Variants in RBFOX1 observed in about 807,000 individuals in gnomAD.
The protein encoded by RBFOX1 is RNA binding fox-1 homolog 1.
RBFOX1 carries 8 observed loss-of-function variants against 57.7 expected under a neutral mutation model. The observed-to-expected ratio is 0.14, with a 90% CI of 0.08 to 0.25. RBFOX1 has a LOEUF of 0.25. Among genes scored for constraint, RBFOX1 ranks in the 10% least tolerant of loss-of-function variants. The pLI is 1.00. For synonymous variants in RBFOX1, 326 were observed against 222.4 expected (o/e 1.47, Z -4.15); for missense variants, 611 against 548.5 (o/e 1.11, Z -1.14).
At chr16:6,206,246 C>G (rs1454885066) in intron 1 of RBFOX1, among the ~76,000 whole-genome samples, 2 of 152,174 alleles carry the variant, frequency 1.3e-5, no homozygotes, top group Admixed American at 1.3e-4. Context: ...GGCTCTTTCC[C>G]GCTGCCAGGA....
At chr16:7,238,038 C>T (rs1402745765) in intron 4 of RBFOX1, among the ~76,000 whole-genome samples, 2 of 152,192 alleles carry the variant, frequency 1.3e-5, no homozygotes, top group Non-Finnish European at 2.9e-5. Context: ...CATGCTACAA[C>T]ATAGATGAAC....
At chr16:6,736,062 C>G (rs1403648930) in intron 3 of RBFOX1, among the ~76,000 whole-genome samples, 5 of 115,616 alleles carry the variant, frequency 4.3e-5, no homozygotes, top group Admixed American at 1.0e-4. Context: ...TTTTTCTGAT[C>G]TATCCAGTAT....
intron 3 of RBFOX1, among the ~76,000 whole-genome samples, chr16:6,814,609 G>A (rs1209636711): frequency 2.0e-5 from 3 of 152,278 alleles, no homozygotes; most frequent in Middle Eastern, 3.4e-3. Flanking sequence ...CAAGTAAATG[G>A]CAGTTAAGGA....
chr16:5,506,314 A>G (rs1394725632), intron 2 of RBFOX1, among the ~76,000 whole-genome samples: 1 of 152,214 alleles, frequency 6.6e-6, no homozygotes. Context: ...AGGCACAGAG[A>G]CGTAAGTCGC....
At chr16:7,100,715 A>C (rs574173367) in intron 4 of RBFOX1, among the ~76,000 whole-genome samples, 1 of 152,250 alleles carries the variant, frequency 6.6e-6, no homozygotes, top group Non-Finnish European at 1.5e-5. Flanking sequence ...AAAATGGACA[A>C]GGGAGAGTGA....
intron 4 of RBFOX1, among the ~76,000 whole-genome samples, chr16:7,392,312 C>G (rs760586918): frequency 9.2e-5 from 14 of 152,170 alleles, no homozygotes; most frequent in African/African-American, 3.4e-4. Context: ...CCCTCCAGAT[C>G]ACGTCCCAAA....
intron 1 of RBFOX1, among the ~76,000 whole-genome samples, chr16:6,074,305 G>C (rs910411304): frequency 5.3e-5 from 8 of 152,066 alleles, no homozygotes; most frequent in Non-Finnish European, 2.9e-5. Flanking sequence ...CAGACTTTTT[G>C]TATGTAGTAA....
intron 4 of RBFOX1, among the ~76,000 whole-genome samples, chr16:7,224,314 G>A (rs534363304): frequency 3.9e-5 from 6 of 152,196 alleles, no homozygotes; most frequent in African/African-American, 1.2e-4. Context: ...ATAAAGTGTA[G>A]CAGGTTTCAT....
intron 2 of RBFOX1, among the ~76,000 whole-genome samples, chr16:5,536,676 A>G (rs925245389): frequency 2.0e-5 from 3 of 152,138 alleles, no homozygotes; most frequent in African/African-American, 7.2e-5. Flanking sequence ...CTCCCATAAC[A>G]TTAGGAGTTT....
rs540538186 is a variant in RBFOX1, at chr16:6,366,606, AAAT to A, written c.-64+49555_-64+49557del. On this transcript the variant is annotated intron_variant, in intron 2 of 15. Transcript: ENST00000550418. Reference sequence around the variant, plus strand: ...CTGATACTTATGTCATAGCATGAACAAATAATAACTACTTACCATGTGCCAGGT... The same window carrying A: ...CTGATACTTATGTCATAGCATGAACAAATAACTACTTACCATGTGCCAGGT... Among the ~76,000 whole-genome samples the A allele has an allele frequency of 1.2e-4, 18 of 152,356 alleles. 1 individual carries two copies. The South Asian group carries it at 3.3e-3, about 28-fold the overall frequency.
At chr16:6,053,257 C>G (rs923965291) in intron 1 of RBFOX1, among the ~76,000 whole-genome samples, 1 of 152,130 alleles carries the variant, frequency 6.6e-6, no homozygotes, top group South Asian at 2.1e-4. Flanking sequence ...CAATAAATAA[C>G]GGAATAATAT....
At chr16:6,931,731 TG>T (rs1019268819) in intron 3 of RBFOX1, among the ~76,000 whole-genome samples, 1 of 152,190 alleles carries the variant, frequency 6.6e-6, no homozygotes, top group Admixed American at 6.5e-5. Context: ...CCCTGTTGCT[TG>T]TGCAGATCTC....
chr16:7,704,070 C>T (rs1031521056), intron 14 of RBFOX1, among the ~76,000 whole-genome samples: 10 of 152,152 alleles, frequency 6.6e-5, no homozygotes, highest in Non-Finnish European at 1.5e-5. Context: ...CAGAAAACTA[C>T]TGCTTTACAA....
intron 1 of RBFOX1, among the ~76,000 whole-genome samples, chr16:5,291,267 T>TG (rs1269717057): frequency 2.0e-5 from 3 of 148,520 alleles, no homozygotes; most frequent in Non-Finnish European, 4.5e-5. Flanking sequence ...ATTGGTTTTT[T>TG]TTTTTTTTTT....
chr16:6,918,427 T>C (rs953551964), intron 3 of RBFOX1, among the ~76,000 whole-genome samples: 1 of 152,144 alleles, frequency 6.6e-6, no homozygotes, highest in Non-Finnish European at 1.5e-5. Flanking sequence ...GAACTGTAGC[T>C]ATAGGAAGAC....
intron 1 of RBFOX1, among the ~76,000 whole-genome samples, chr16:6,139,805 C>T (rs1003447998): frequency 6.6e-6 from 1 of 152,118 alleles, no homozygotes; most frequent in Non-Finnish European, 1.5e-5. Flanking sequence ...TCCTGTTCCC[C>T]ATTTTTATCC....
chr16:6,856,233 C>T (rs180800595), intron 3 of RBFOX1, among the ~76,000 whole-genome samples: 46 of 152,254 alleles, frequency 3.0e-4, no homozygotes, highest in African/African-American at 1.1e-3. Flanking sequence ...ACATCTGAAT[C>T]ATCAAGGCAG....
chr16:6,818,790 C>T (rs1444701716), intron 3 of RBFOX1, among the ~76,000 whole-genome samples: 1 of 152,178 alleles, frequency 6.6e-6, no homozygotes, highest in Non-Finnish European at 1.5e-5. Context: ...CCACTGATGC[C>T]ATTTCATCCT....
At chr16:5,951,078 G>C (rs1354190807) in intron 4 of RBFOX1, among the ~76,000 whole-genome samples, 3 of 152,114 alleles carry the variant, frequency 2.0e-5, no homozygotes, top group Non-Finnish European at 2.9e-5. Flanking sequence ...ATCAGAGGTG[G>C]CGATTTGGGG....
Sources: allele counts gnomAD v4.1 joint callset (sites outside exome capture counted in the v4.1 genomes callset), GRCh38; gene constraint gnomAD v4.1.1; transcripts MANE v1.5; gene names NCBI Gene and HGNC (gene_info 2026-07-23, HGNC 2026-07-21).